Variants in EHD1 observed in about 807,000 individuals in gnomAD.
The protein encoded by EHD1 is EH domain containing 1.
Under a neutral mutation model 39.0 loss-of-function variants are expected in EHD1, and 19 were observed. That is an observed-to-expected ratio of 0.49 (90% CI 0.34 to 0.72). The LOEUF is 0.72. EHD1 is among the 30% of genes least tolerant of loss of function. The pLI is 0.01. For missense variants in EHD1, 542 were observed against 751.5 expected (o/e 0.72, Z 3.26); for synonymous variants, 323 against 331.2 (o/e 0.98, Z 0.27).
intron 4 of EHD1, 35 bp from the exon 5 acceptor site, chr11:64,854,892 G>A (rs755525348): frequency 1.6e-5 from 25 of 1,584,216 alleles, no homozygotes; most frequent in Middle Eastern, 1.7e-4. Context: ...GGGCTGGGAA[G>A]GGAGGCCCCT....
chr11:64,863,883 G>C lies in EHD1; in HGVS notation c.503-3547C>G, dbSNP rs193027894. ...TCCTCAGCCGGGCTGCAGGGAGGAG[G>C]GCGTGTGGGAGCACTGGGCCTCCAG... On this transcript the variant is annotated intron_variant, in intron 2 of 4. Transcript: ENST00000320631. Among the ~76,000 whole-genome samples, 4 of 152,376 alleles carry C rather than the reference G, an allele frequency of 2.6e-5. No homozygotes were observed. In the East Asian group the frequency reaches 7.7e-4, roughly 29 times the overall value.
chr11:64,862,765 T>C (rs1244381095), intron 2 of EHD1, among the ~76,000 whole-genome samples: 6 of 152,186 alleles, frequency 3.9e-5, no homozygotes, highest in African/African-American at 1.4e-4. Flanking sequence ...TCCCAGCTAC[T>C]TGGGAGACTA....
At position 64,852,655 on chromosome 11, in the gene EHD1, G is replaced by C. The variant is rs1943594329; in HGVS notation, c.*1678C>G. The C allele has an allele frequency of 6.6e-6, 1 of 152,632 alleles. No homozygotes were observed. 9.5% of individuals were successfully genotyped at this position (152,632 alleles called of 1,614,324 possible). On this transcript the variant is annotated 3_prime_UTR_variant, in exon 5 of 5. Transcript: ENST00000320631. ...CTGCCTTGCCACTCTGTCCCTGCTG[G>C]CATCACCCCCTCAGACACCAGGGGA...
intron 3 of EHD1, chr11:64,856,681 G>T (rs1003215254): frequency 1.3e-5 from 2 of 152,342 alleles, no homozygotes; most frequent in African/African-American, 4.8e-5. Flanking sequence ...CTGCCTGAGG[G>T]AGGCAGCCCC....
At chr11:64,878,665 C>G (rs1943918601), upstream of EHD1, 4 of 1,364,580 alleles carry the variant, frequency 2.9e-6, no homozygotes, top group South Asian at 3.6e-5. Context: ...GTCGGTCCCT[C>G]AGTGGCGGCT....
Position 64,854,678 on chromosome 11 carries a change from C to T in EHD1, c.1260G>A (p.Gly420=), listed in dbSNP as rs780441835. The part of the protein sequence containing the change: ...KGGAFDGTMN[G]PFGHGYGEGA... ...CCTCGCCGTAGCCGTGCCCGAACGGCCCGTTCATGGTGCCGTCAAAGGCGC... is the reference window on the plus strand; with the variant it reads ...CCTCGCCGTAGCCGTGCCCGAACGGTCCGTTCATGGTGCCGTCAAAGGCGC... The change falls in exon 5 of 5, where the codon GGG becomes GGA. Residue 420 remains glycine, a synonymous_variant. Transcript: ENST00000320631. 6.2e-6 allele frequency: 10 copies of T among 1,613,670 alleles called. No individual in the cohort carries two copies. In the Admixed American group the frequency reaches 1.7e-4, roughly 27 times the overall value.
chr11:64,855,417 T>G lies in EHD1; in HGVS notation c.985A>C (p.Lys329Gln). 6.2e-7 allele frequency: 1 copy of G among 1,614,058 alleles called. No homozygotes were observed. The highest frequency in any genetic ancestry group is 8.5e-7 in the Non-Finnish European group (1 of 1,179,982). The change falls in exon 4 of 5, where the codon AAA (lysine) becomes CAA (glutamine). Residue 329 changes from lysine (K) to glutamine (Q), a missense_variant. Coordinates refer to ENST00000320631, the MANE Select transcript of EHD1 (RefSeq NM_006795.4). The part of the protein sequence containing the change: ...PNVFGKESKK[K>Q]ELVNNLGEIY... Reference sequence around the variant, plus strand: ...TCTCCGAGGTTGTTCACCAGCTCTTTCTTTTTGCTCTCTTTACCAAAGACA... The same window carrying G: ...TCTCCGAGGTTGTTCACCAGCTCTTGCTTTTTGCTCTCTTTACCAAAGACA...
At chr11:64,858,643 G>A (rs1943680217) in intron 3 of EHD1, among the ~76,000 whole-genome samples, 1 of 152,200 alleles carries the variant, frequency 6.6e-6, no homozygotes. Flanking sequence ...ACCACAGCCG[G>A]GACTGTCACT....
intron 1 of EHD1, 118 bp downstream of exon 1, chr11:64,877,943 G>A (rs536081872): frequency 4.6e-6 from 5 of 1,083,898 alleles, no homozygotes; most frequent in Non-Finnish European, 6.3e-6. Flanking sequence ...GTCACTGAGG[G>A]TCTCACTGGG....
chr11:64,878,681 C>A, upstream of EHD1: 1 of 1,348,862 alleles, frequency 7.4e-7, no homozygotes, highest in Non-Finnish European at 9.5e-7. Context: ...CGGCTAGCGC[C>A]GCCGCGGCGG....
chr11:64,854,062 C>T lies in EHD1; in HGVS notation c.*271G>A. On this transcript the variant is annotated 3_prime_UTR_variant, in exon 5 of 5. Coordinates refer to ENST00000320631, the MANE Select transcript of EHD1 (RefSeq NM_006795.4). ...GCAGAGGCCGTGCACACAGGGCTGG[C>T]ACACAGGGGAGGCGGCGACAAAGAA... 1.8e-6 allele frequency: 1 copy of T among 566,888 alleles called. No individual in the cohort carries two copies. Among genetic ancestry groups the T allele is most frequent in the Non-Finnish European group, 3.0e-6 (1 of 328,882 alleles). 35.1% of individuals were successfully genotyped at this position (566,888 alleles called of 1,614,324 possible).
At chr11:64,854,911 C>G in intron 4 of EHD1, 54 bp from the exon 5 acceptor site, 1 of 1,570,130 alleles carries the variant, frequency 6.4e-7, no homozygotes, top group Non-Finnish European at 8.6e-7. Context: ...CTCCCAGACT[C>G]CAGGCCAAGT....
chr11:64,863,912 A>G (rs1272300509), intron 2 of EHD1, among the ~76,000 whole-genome samples: 1 of 152,164 alleles, frequency 6.6e-6, no homozygotes, highest in Non-Finnish European at 1.5e-5. Context: ...CCTCCAGCCC[A>G]GGACCCGACA....
chr11:64,859,780 T>G, intron 3 of EHD1, 144 bp downstream of exon 3: 1 of 1,208,360 alleles, frequency 8.3e-7, no homozygotes. Flanking sequence ...AAGACTGGTT[T>G]CTATAGAGGG....
chr11:64,878,844 C>T (rs1299093743), upstream of EHD1: 1 of 1,121,168 alleles, frequency 8.9e-7, no homozygotes, highest in African/African-American at 1.6e-5. Context: ...CCTGTTTCGC[C>T]CCGCCCCTCG....
Position 64,860,248 on chromosome 11 carries a change from G to A in EHD1, c.591C>T (p.Ser197=), listed in dbSNP as rs374683879. 3.4e-5 allele frequency: 55 copies of A among 1,613,958 alleles called. No individual in the cohort carries two copies. Among genetic ancestry groups the A allele is most frequent in the East Asian group, 2.0e-4 (9 of 44,890 alleles). Residue 197 remains serine, a synonymous_variant, in exon 3 of 5, where the codon TCC becomes TCT. Transcript: ENST00000320631. ...CCTTGATCACTTCCGAGAACTCATC[G>A]GAGATGTCCAGCTTGTGGGCGTCGA... ...LLFDAHKLDI[S]DEFSEVIKAL... is the part of the protein sequence containing the mutation.
rs2136474150 is a variant in EHD1, at chr11:64,855,443, T to C, written c.959A>G (p.Asn320Ser). Residue 320 changes from asparagine (N) to serine (S), a missense_variant, in exon 4 of 5, where the codon AAT becomes AGT. Asn to Ser is a conservative substitution (Grantham distance 46, BLOSUM62 1). Transcript: ENST00000320631. The stretch of plus-strand genomic sequence containing the variant: ...CTTTTTGCTCTCTTTACCAAAGACA[T>C]TGGGCATCTCTTTCTTGAGGGAGCT... ...IISSLKKEMP[N>S]VFGKESKKKE... The C allele has an allele frequency of 1.2e-6, 2 of 1,613,984 alleles. No individual in the cohort carries two copies. Among genetic ancestry groups the C allele is most frequent in the Middle Eastern group, 1.7e-4 (1 of 6,054 alleles).
Position 64,878,500 on chromosome 11 carries a change from G to A in EHD1, c.-36C>T. On this transcript the variant is annotated 5_prime_UTR_variant, in exon 1 of 5. Transcript: ENST00000320631. ...ACGGGGCTGGCTGCTGCGGGGCAGA[G>A]CGGCGGCTGAGAGCGGGGCGAGGGT... is the stretch of plus-strand genomic sequence containing the variant. 6.4e-7 allele frequency: 1 copy of A among 1,560,858 alleles called. No individual in the cohort carries two copies. The highest frequency in any genetic ancestry group is 8.6e-7 in the Non-Finnish European group (1 of 1,156,362).
At chr11:64,854,994 C>A in intron 4 of EHD1, 137 bp from the exon 5 acceptor site, 1 of 1,166,384 alleles carries the variant, frequency 8.6e-7, no homozygotes, top group Non-Finnish European at 1.2e-6. Flanking sequence ...GCAAAACCAT[C>A]TGGCCCTTGG....
Sources: allele counts gnomAD v4.1 joint callset (sites outside exome capture counted in the v4.1 genomes callset), GRCh38; gene constraint gnomAD v4.1.1; transcripts MANE v1.5; gene names NCBI Gene and HGNC (gene_info 2026-07-23, HGNC 2026-07-21).